The following DPP10 variants were observed in gnomAD, a reference collection of about 807,000 sequenced individuals.
DPP10 encodes the protein inactive dipeptidyl peptidase 10.
In DPP10, 33 loss-of-function variants were observed where a neutral mutation model predicts 120.9. The observed-to-expected ratio is 0.27, with a 90% confidence interval of 0.21 to 0.37. The LOEUF is 0.37. DPP10 is among the 10% of genes least tolerant of loss of function. The pLI, the probability that DPP10 is intolerant of heterozygous loss-of-function variation, is 1.00. For missense variants in DPP10, 816 were observed against 942.8 expected (o/e 0.87, Z 1.76); for synonymous variants, 337 against 326.1 (o/e 1.03, Z -0.36).
At chr2:115,590,427 C>T (rs1389729302) in intron 5 of DPP10, among the ~76,000 whole-genome samples, 1 of 152,024 alleles carries the variant, frequency 6.6e-6, no homozygotes, top group African/African-American at 2.4e-5. Context: ...GTTTGGTTTT[C>T]TGTCCTTGCG....
chr2:115,266,059 T>A (rs1479565401), intron 1 of DPP10, among the ~76,000 whole-genome samples: 11 of 152,194 alleles, frequency 7.2e-5, no homozygotes, highest in Non-Finnish European at 1.0e-4. Context: ...TATTAGTGTT[T>A]CAAAATATAT....
intron 1 of DPP10, among the ~76,000 whole-genome samples, chr2:114,845,395 C>T (rs985483123): frequency 1.3e-5 from 2 of 152,028 alleles, no homozygotes; most frequent in Admixed American, 6.6e-5. Context: ...TCTAAAATTG[C>T]TCTAAAAAAT....
intron 3 of DPP10, among the ~76,000 whole-genome samples, chr2:115,396,458 A>G (rs1268582600): frequency 3.3e-5 from 5 of 152,224 alleles, no homozygotes; most frequent in Non-Finnish European, 7.3e-5. Context: ...GAAGTAAGTA[A>G]CCAGTAACTC....
chr2:115,774,212 AC>A (rs1333137762), intron 13 of DPP10, among the ~76,000 whole-genome samples: 27 of 36,754 alleles, frequency 7.3e-4, no homozygotes, highest in Non-Finnish European at 2.5e-3. Flanking sequence ...ACACACATAC[AC>A]ACACACACAC....
At chr2:115,635,243 A>G (rs534912993) in intron 5 of DPP10, among the ~76,000 whole-genome samples, 2 of 152,194 alleles carry the variant, frequency 1.3e-5, no homozygotes, top group Admixed American at 1.3e-4. Context: ...CCCTCTGGGA[A>G]CTCGGTAGTC....
intron 5 of DPP10, among the ~76,000 whole-genome samples, chr2:115,635,951 T>C (rs2086289399): frequency 6.6e-6 from 1 of 152,188 alleles, no homozygotes; most frequent in African/African-American, 2.4e-5. Context: ...TCATTGCACA[T>C]ATTACTTGAA....
intron 1 of DPP10, among the ~76,000 whole-genome samples, chr2:114,997,597 A>G (rs1701180455): frequency 6.6e-6 from 1 of 152,214 alleles, no homozygotes; most frequent in South Asian, 2.1e-4. Flanking sequence ...AGCCAAATTC[A>G]TATAATTTTA....
At chr2:115,593,140 T>C (rs1336276125) in intron 5 of DPP10, among the ~76,000 whole-genome samples, 1 of 152,180 alleles carries the variant, frequency 6.6e-6, no homozygotes, top group Middle Eastern at 3.2e-3. Flanking sequence ...AGTCTGTTAG[T>C]CATGAAAATA....
chr2:114,853,827 A>G (rs1242228835), intron 1 of DPP10, among the ~76,000 whole-genome samples: 1 of 152,194 alleles, frequency 6.6e-6, no homozygotes, highest in Non-Finnish European at 1.5e-5. Context: ...TTGTAAATCA[A>G]CAAAGCAGTC....
chr2:114,988,896 T>C (rs1401202109), intron 1 of DPP10, among the ~76,000 whole-genome samples: 4 of 152,200 alleles, frequency 2.6e-5, no homozygotes, highest in East Asian at 3.9e-4. Context: ...AACCTCATTC[T>C]GCATTGATGG....
At chr2:115,704,397 T>C (rs2092015705) in intron 7 of DPP10, among the ~76,000 whole-genome samples, 1 of 151,964 alleles carries the variant, frequency 6.6e-6, no homozygotes, top group Non-Finnish European at 1.5e-5. Flanking sequence ...ACTATTTATT[T>C]ATGTTGTTAT....
At chr2:115,508,602 T>G (rs1360862728) in intron 4 of DPP10, among the ~76,000 whole-genome samples, 4 of 152,184 alleles carry the variant, frequency 2.6e-5, no homozygotes. Context: ...CACGGAAAGC[T>G]TTCCTAAAGA....
At chr2:115,196,337 C>A (rs2055266368) in intron 1 of DPP10, among the ~76,000 whole-genome samples, 1 of 152,178 alleles carries the variant, frequency 6.6e-6, no homozygotes, top group South Asian at 2.1e-4. Context: ...TTTGCATCTG[C>A]CTGCTTCTCC....
intron 1 of DPP10, among the ~76,000 whole-genome samples, chr2:115,017,410 G>C (rs1353468704): frequency 2.0e-5 from 3 of 152,096 alleles, no homozygotes; most frequent in South Asian, 4.1e-4. Flanking sequence ...TGGTGGGACT[G>C]TAAATTGGTT....
intron 1 of DPP10, among the ~76,000 whole-genome samples, chr2:114,521,690 A>C (rs1007314813): frequency 2.0e-5 from 3 of 152,180 alleles, no homozygotes; most frequent in African/African-American, 7.2e-5. Flanking sequence ...TGATGAATAG[A>C]AAGTCTGTGG....
At chr2:115,572,502 G>A (rs571170607) in intron 5 of DPP10, among the ~76,000 whole-genome samples, 1 of 152,252 alleles carries the variant, frequency 6.6e-6, no homozygotes, top group Admixed American at 6.5e-5. Flanking sequence ...TGTAAACACA[G>A]ATATGCTATA....
At chr2:115,753,148 A>G (rs1201847015) in intron 10 of DPP10, 26 bp from the exon 11 acceptor site, 12 of 1,603,592 alleles carry the variant, frequency 7.5e-6, no homozygotes, top group Non-Finnish European at 9.4e-6. Flanking sequence ...CTCTAAACAT[A>G]CATTTTAATT....
chr2:114,843,934 A>T (rs750571216), intron 1 of DPP10, among the ~76,000 whole-genome samples: 3 of 152,136 alleles, frequency 2.0e-5, no homozygotes, highest in Non-Finnish European at 4.4e-5. Context: ...GAAACTACCC[A>T]ATCCCCTTTT....
At chr2:115,039,971 A>C (rs1193729047) in intron 1 of DPP10, among the ~76,000 whole-genome samples, 1 of 151,798 alleles carries the variant, frequency 6.6e-6, no homozygotes, top group Non-Finnish European at 1.5e-5. Context: ...AAGGGAAAAA[A>C]ATGTGCACAC....
Sources: gnomAD v4.1 joint callset for allele counts (sites outside exome capture counted in the v4.1 genomes callset) on GRCh38, gnomAD v4.1.1 for gene constraint, MANE v1.5 for transcripts, NCBI Gene and HGNC (gene_info 2026-07-23, HGNC 2026-07-21) for gene names.